The following NPAS3 variants were observed in gnomAD, a reference collection of about 807,000 sequenced individuals.
NPAS3 encodes neuronal PAS domain protein 3, also known as neuronal PAS domain-containing protein 3.
A neutral mutation model predicts 73.1 loss-of-function variants in NPAS3; 14 were observed. That is an observed-to-expected ratio of 0.19 (90% CI 0.13 to 0.30). NPAS3 has a LOEUF of 0.30. NPAS3 is among the 10% of genes least tolerant of loss of function. The probability of loss-of-function intolerance (pLI) is 1.00; values close to 1 mark genes in which losing one functional copy is unlikely to be tolerated. For missense variants in NPAS3, 1,096 were observed against 1,250.0 expected (o/e 0.88, Z 1.86); for synonymous variants, 620 against 541.5 (o/e 1.14, Z -2.01).
At chr14:33,632,462 C>T (rs573888911) in intron 5 of NPAS3, among the ~76,000 whole-genome samples, 5 of 152,262 alleles carry the variant, frequency 3.3e-5, no homozygotes, top group African/African-American at 1.2e-4. Flanking sequence ...TCCAAAAATG[C>T]GAATTGCTAA....
intron 3 of NPAS3, among the ~76,000 whole-genome samples, chr14:33,231,188 A>G (rs745636536): frequency 9.2e-5 from 14 of 152,220 alleles, no homozygotes; most frequent in Non-Finnish European, 1.6e-4. Flanking sequence ...AAAATATTTT[A>G]TAAGTTCATA....
intron 2 of NPAS3, among the ~76,000 whole-genome samples, chr14:33,063,021 C>T (rs559035569): frequency 2.6e-5 from 4 of 152,228 alleles, no homozygotes; most frequent in South Asian, 2.1e-4. Context: ...TCATTGCTAG[C>T]GGTGGTTAAA....
At chr14:33,325,123 C>A (rs903947941) in intron 3 of NPAS3, among the ~76,000 whole-genome samples, 2 of 149,238 alleles carry the variant, frequency 1.3e-5, no homozygotes, top group African/African-American at 4.9e-5. Context: ...GGAATGAACA[C>A]CAGATCAGCT....
chr14:32,993,399 TAA>T (rs2038418380), intron 1 of NPAS3, among the ~76,000 whole-genome samples: 1 of 152,162 alleles, frequency 6.6e-6, no homozygotes, highest in Admixed American at 6.5e-5. Flanking sequence ...CAGGAAATCC[TAA>T]GAGGTGAGAC....
At chr14:33,328,996 A>G (rs1258934795) in intron 3 of NPAS3, among the ~76,000 whole-genome samples, 1 of 152,206 alleles carries the variant, frequency 6.6e-6, no homozygotes, top group African/African-American at 2.4e-5. Flanking sequence ...AGTTCCTAAC[A>G]TGTAAGGACT....
intron 9 of NPAS3, among the ~76,000 whole-genome samples, chr14:33,787,031 T>G (rs376262876): frequency 7.0e-6 from 1 of 142,640 alleles, no homozygotes; most frequent in African/African-American, 2.8e-5. Context: ...CCGCTTCTCA[T>G]TTATATAACA....
chr14:33,800,423 G>T lies in NPAS3; in HGVS notation c.2116G>T (p.Gly706Trp). 1 of 1,593,320 alleles carries T rather than the reference G, an allele frequency of 6.3e-7. No individual in the cohort carries two copies. Among genetic ancestry groups the T allele is most frequent in the Non-Finnish European group, 8.5e-7 (1 of 1,173,360 alleles). The change falls in exon 12 of 12, where the codon GGG becomes TGG. Residue 706 changes from glycine (G) to tryptophan (W), a missense_variant. Gly to Trp is a radical substitution (Grantham distance 184, BLOSUM62 -2). This residue lies in a region of NPAS3 where 698 missense variants were observed against 676.7 expected (regional missense o/e 1.03). Coordinates refer to ENST00000356141, the Ensembl canonical transcript of NPAS3. The surrounding 1 kb of genome is among the most constrained non-coding windows in gnomAD (Gnocchi z 6.5). ...CGGCGGTGGGGGTGGCGGTGGCGGG[G>T]GGCTGCACGTGGCCATTCCCGACTC... is the stretch of plus-strand genomic sequence containing the variant.
At chr14:33,627,428 T>A (rs996515869) in intron 5 of NPAS3, among the ~76,000 whole-genome samples, 6 of 151,982 alleles carry the variant, frequency 3.9e-5, no homozygotes, top group Middle Eastern at 3.4e-3. Flanking sequence ...TGCACCTAAC[T>A]GAAAAAAAAA....
chr14:32,981,560 C>G (rs1276814448), intron 1 of NPAS3, among the ~76,000 whole-genome samples: 1 of 152,202 alleles, frequency 6.6e-6, no homozygotes, highest in African/African-American at 2.4e-5. Flanking sequence ...AATGTTCAGA[C>G]TTTATTTTTA....
At chr14:32,984,190 T>C (rs1282500259) in intron 1 of NPAS3, among the ~76,000 whole-genome samples, 3 of 152,226 alleles carry the variant, frequency 2.0e-5, no homozygotes, top group Non-Finnish European at 2.9e-5. Context: ...CCCTGACCTG[T>C]TATAGTGCCT....
intron 4 of NPAS3, among the ~76,000 whole-genome samples, chr14:33,446,422 G>C (rs1021267079): frequency 6.6e-6 from 1 of 151,868 alleles, no homozygotes; most frequent in East Asian, 1.9e-4. Context: ...TGATCCACCC[G>C]CCTCGGCCTC....
intron 4 of NPAS3, among the ~76,000 whole-genome samples, chr14:33,435,320 G>C (rs559116684): frequency 2.5e-4 from 38 of 152,176 alleles, no homozygotes; most frequent in African/African-American, 8.9e-4. Flanking sequence ...GAATATTTGG[G>C]ATATTTTAAT....
At chr14:33,521,819 C>G (rs1421995108) in intron 4 of NPAS3, among the ~76,000 whole-genome samples, 1 of 152,088 alleles carries the variant, frequency 6.6e-6, no homozygotes, top group Non-Finnish European at 1.5e-5. Context: ...ATATTGTTCC[C>G]CACAGAAGAA....
intron 3 of NPAS3, among the ~76,000 whole-genome samples, chr14:33,282,985 A>C (rs1254280409): frequency 6.6e-6 from 1 of 152,214 alleles, no homozygotes; most frequent in African/African-American, 2.4e-5. Context: ...AGATTCCCCT[A>C]GAAAAATGAG....
chr14:33,619,927 A>G (rs1296522819), intron 5 of NPAS3, among the ~76,000 whole-genome samples: 1 of 152,210 alleles, frequency 6.6e-6, no homozygotes, highest in East Asian at 1.9e-4. Flanking sequence ...TTGTGATCCC[A>G]TAGGCTGCCA....
chr14:33,406,919 G>T lies in NPAS3; in HGVS notation c.468+39651G>T, dbSNP rs543652823. On this transcript the variant is annotated intron_variant, in intron 4 of 11. Transcript: ENST00000356141. The stretch of plus-strand genomic sequence containing the variant: ...AGCTACTAATTTGCCTGTAAACACC[G>T]GATCCCACTGGAATTGCCCTACACA... Among the ~76,000 whole-genome samples, 9 of 152,136 alleles carry T rather than the reference G, an allele frequency of 5.9e-5. No homozygotes were observed. The South Asian group carries it at 1.7e-3, about 28-fold the overall frequency.
chr14:32,979,033 A>G (rs191094618), intron 1 of NPAS3, among the ~76,000 whole-genome samples: 1 of 152,330 alleles, frequency 6.6e-6, no homozygotes, highest in African/African-American at 2.4e-5. Flanking sequence ...TTGCTCAACC[A>G]TTGTGAGCCT....
At chr14:33,524,113 T>C (rs1441234971) in intron 4 of NPAS3, among the ~76,000 whole-genome samples, 1 of 152,170 alleles carries the variant, frequency 6.6e-6, no homozygotes, top group African/African-American at 2.4e-5. Context: ...TCTTATCCAT[T>C]AGGTCTCAGC....
At chr14:33,540,420 G>A (rs2054458713) in intron 4 of NPAS3, among the ~76,000 whole-genome samples, 1 of 152,092 alleles carries the variant, frequency 6.6e-6, no homozygotes, top group Non-Finnish European at 1.5e-5. Context: ...GCCACCCCAA[G>A]GTGACTGTTA....
Sources: gnomAD v4.1 joint callset for allele counts (sites outside exome capture counted in the v4.1 genomes callset) on GRCh38, gnomAD v4.1.1 for gene constraint, gnomAD v4.1.1 regional missense constraint, Gnocchi (gnomAD v3.1) non-coding constraint, MANE v1.5 for transcripts, NCBI Gene and HGNC (gene_info 2026-07-23, HGNC 2026-07-21) for gene names.